The following PPARD variants were observed in gnomAD, a reference collection of about 807,000 sequenced individuals.
PPARD encodes peroxisome proliferator activated receptor delta, also known as peroxisome proliferator-activated receptor delta.
In PPARD, 6 loss-of-function variants were observed where a neutral mutation model predicts 39.5. The observed-to-expected ratio is 0.15, with a 90% confidence interval of 0.08 to 0.30. The LOEUF (loss-of-function observed/expected upper bound fraction) is 0.30. Ranked by LOEUF, PPARD falls within the 10% of genes least tolerant of loss-of-function variation. The pLI, the probability that PPARD is intolerant of heterozygous loss-of-function variation, is 1.00. For synonymous variants in PPARD, 210 were observed against 231.3 expected (o/e 0.91, Z 0.83); for missense variants, 397 against 596.8 (o/e 0.67, Z 3.49).
Position 35,425,771 on chromosome 6 carries a change from G to A in PPARD, c.1079-61G>A, listed in dbSNP as rs1766529532. On this transcript the variant is annotated intron_variant, in intron 7 of 7. Transcript: ENST00000360694. This position sits in a 1 kb window ranked among gnomAD's most constrained non-coding sequence, Gnocchi z 4.5. Reference sequence around the variant, plus strand: ...CCCCTGGGCCAAGTCACCTCTTGGGGTGGAAGTAGGGGAGCTCCACTGCCT... The same window carrying A: ...CCCCTGGGCCAAGTCACCTCTTGGGATGGAAGTAGGGGAGCTCCACTGCCT... The A allele has an allele frequency of 6.3e-7, 1 of 1,588,318 alleles. No homozygotes were observed. The highest frequency in any genetic ancestry group is 1.3e-5 in the African/African-American group (1 of 74,634).
chr6:35,371,826 C>A (rs1762498024), intron 2 of PPARD, among the ~76,000 whole-genome samples: 1 of 152,214 alleles, frequency 6.6e-6, no homozygotes, highest in African/African-American at 2.4e-5. Flanking sequence ...CTGGGCCTGG[C>A]CTTGTTGGTC....
chr6:35,376,838 G>A lies in PPARD; in HGVS notation c.-102+29688G>A, dbSNP rs531636882. ...GATTGAGACCATCCTGGCTAACGCGGTGAAACCCCGTCTCTACTAAAAATA... is the reference window on the plus strand; with the variant it reads ...GATTGAGACCATCCTGGCTAACGCGATGAAACCCCGTCTCTACTAAAAATA... On this transcript the variant is annotated intron_variant, in intron 2 of 7. Coordinates refer to ENST00000360694, the MANE Select transcript of PPARD (RefSeq NM_006238.5). Among the ~76,000 whole-genome samples, 247 of 152,048 alleles carry A rather than the reference G, an allele frequency of 1.6e-3. 1 individual carries two copies. Among genetic ancestry groups the A allele is most frequent in the African/African-American group, 5.2e-3 (214 of 41,446 alleles).
chr6:35,365,564 T>C (rs1348048084), intron 2 of PPARD, among the ~76,000 whole-genome samples: 1 of 151,058 alleles, frequency 6.6e-6, no homozygotes, highest in Non-Finnish European at 1.5e-5. Context: ...TGATCTCGGC[T>C]TACTGCAACC....
chr6:35,364,724 G>T (rs1402090757), intron 2 of PPARD, among the ~76,000 whole-genome samples: 3 of 141,784 alleles, frequency 2.1e-5, no homozygotes, highest in Non-Finnish European at 1.5e-5. Flanking sequence ...TTTTTTGTTT[G>T]TTTTTTTTTT....
At chr6:35,347,670 G>T (rs1760953704) in intron 2 of PPARD, among the ~76,000 whole-genome samples, 1 of 151,990 alleles carries the variant, frequency 6.6e-6, no homozygotes, top group South Asian at 2.1e-4. Context: ...GTGCAATGGC[G>T]TGATCTTGGC....
intron 1 of PPARD, among the ~76,000 whole-genome samples, chr6:35,343,983 CT>C (rs11420189): frequency 6.6e-6 from 1 of 150,570 alleles, no homozygotes. Context: ...GGCTCCAGAA[CT>C]TTTTTTTTTC....
intron 2 of PPARD, among the ~76,000 whole-genome samples, chr6:35,358,579 G>A (rs1283236739): frequency 6.6e-6 from 1 of 152,180 alleles, no homozygotes; most frequent in Non-Finnish European, 1.5e-5. Context: ...CATAGGCCCA[G>A]CATTTTCCTG....
At chr6:35,385,766 G>A (rs1057233182) in intron 2 of PPARD, among the ~76,000 whole-genome samples, 10 of 151,990 alleles carry the variant, frequency 6.6e-5, no homozygotes, top group African/African-American at 2.4e-4. Flanking sequence ...CGAGGCCTCC[G>A]TGTGGTATTT....
intron 2 of PPARD, among the ~76,000 whole-genome samples, chr6:35,359,757 A>G (rs1006032170): frequency 1.3e-5 from 2 of 152,226 alleles, no homozygotes; most frequent in African/African-American, 4.8e-5. Flanking sequence ...ATCACTACAT[A>G]TATCACTTTG....
chr6:35,350,919 G>A (rs904163626), intron 2 of PPARD, among the ~76,000 whole-genome samples: 2 of 152,090 alleles, frequency 1.3e-5, no homozygotes, highest in Admixed American at 6.5e-5. Flanking sequence ...GAGCCACCGC[G>A]CCTGGGCGAA....
chr6:35,422,266 C>A (rs1308865784), intron 5 of PPARD, among the ~76,000 whole-genome samples: 3 of 152,206 alleles, frequency 2.0e-5, no homozygotes, highest in Non-Finnish European at 4.4e-5. Context: ...CCAGCTTGAA[C>A]AATTTGGGGA....
intron 2 of PPARD, among the ~76,000 whole-genome samples, chr6:35,352,177 TTTTTG>T (rs931325983): frequency 3.0e-4 from 46 of 151,564 alleles, no homozygotes; most frequent in South Asian, 1.7e-3. Flanking sequence ...AGCCAGTTCT[TTTTTG>T]TTTTGTTTTG....
At chr6:35,380,218 G>A (rs1763053930) in intron 2 of PPARD, among the ~76,000 whole-genome samples, 1 of 152,194 alleles carries the variant, frequency 6.6e-6, no homozygotes, top group Non-Finnish European at 1.5e-5. Context: ...AGTTGTGGAA[G>A]CTCCATTAGG....
Position 35,412,925 on chromosome 6 carries a change from G to C in PPARD, c.130+1708G>C, listed in dbSNP as rs1765520204. ...TTCTAAATCTGAAGAAGGTAGGGAG[G>C]GTTAGAAAGCAAAGGGAAGACAGTG... On this transcript the variant is annotated intron_variant, in intron 3 of 7. Transcript: ENST00000360694. This position sits in a 1 kb window ranked among gnomAD's most constrained non-coding sequence, Gnocchi z 4.1. 2.0e-5 allele frequency among the ~76,000 whole-genome samples: 3 copies of C among 152,166 alleles called. No individual in the cohort carries two copies. Among genetic ancestry groups the C allele is most frequent in the African/African-American group, 7.2e-5 (3 of 41,438 alleles).
rs573827801 is a variant in PPARD at position 35,352,329 on chromosome 6, G to A, written c.-102+5179G>A. Among the ~76,000 whole-genome samples, 7 of 152,070 alleles carry A rather than the reference G, an allele frequency of 4.6e-5. 1 individual carries two copies. The highest frequency in any genetic ancestry group is 2.1e-4 in the South Asian group (1 of 4,796). On this transcript the variant is annotated intron_variant, in intron 2 of 7. Coordinates refer to ENST00000360694, the MANE Select transcript of PPARD (RefSeq NM_006238.5). Reference sequence around the variant, plus strand: ...CTCCCAAGTAGCTGGGACCACAGGCGCGCACCCCAATGCCCGGCTAATTTT... The same window carrying A: ...CTCCCAAGTAGCTGGGACCACAGGCACGCACCCCAATGCCCGGCTAATTTT...
rs1764689919 is a variant in PPARD at position 35,401,473 on chromosome 6, T to C, written c.-101-9514T>C. The stretch of plus-strand genomic sequence containing the variant: ...ATCCTCTTCATAACCCCCTTGGCTC[T>C]CTGCTCCTCCCAGAATAAATACCCA... On this transcript the variant is annotated intron_variant, in intron 2 of 7. Coordinates refer to ENST00000360694, the MANE Select transcript of PPARD (RefSeq NM_006238.5). This position sits in a 1 kb window ranked among gnomAD's most constrained non-coding sequence, Gnocchi z 4.1. Among the ~76,000 whole-genome samples the C allele has an allele frequency of 1.3e-5, 2 of 152,288 alleles. No homozygotes were observed. The highest frequency in any genetic ancestry group is 4.1e-4 in the South Asian group (2 of 4,830).
rs1762088218 is a variant in PPARD at position 35,364,569 on chromosome 6, G to GA, written c.-102+17420dup. On this transcript the variant is annotated intron_variant, in intron 2 of 7. Coordinates refer to ENST00000360694, the MANE Select transcript of PPARD (RefSeq NM_006238.5). ...CTGCCTCAGCCACCTGAGTAGCTGG[G>GA]ATTACAGGTGCATGCCACCACGCCT... 2.0e-5 allele frequency among the ~76,000 whole-genome samples: 3 copies of GA among 151,946 alleles called. No individual in the cohort carries two copies. In the South Asian group the frequency reaches 6.2e-4, roughly 32 times the overall value.
chr6:35,361,044 C>T (rs1761900449), intron 2 of PPARD, among the ~76,000 whole-genome samples: 1 of 152,204 alleles, frequency 6.6e-6, no homozygotes, highest in African/African-American at 2.4e-5. Flanking sequence ...AACAGCCACA[C>T]TTCTCATTTC....
Position 35,425,042 on chromosome 6 carries a change from G to C in PPARD, c.1078+263G>C, listed in dbSNP as rs1766478694. The C allele has an allele frequency of 1.6e-6, 2 of 1,279,164 alleles. No homozygotes were observed. Among genetic ancestry groups the C allele is most frequent in the Admixed American group, 3.4e-5 (1 of 29,118 alleles). The allele number at this position is 1,279,164 out of a possible 1,614,324, so 79.2% of individuals were successfully genotyped here. On this transcript the variant is annotated intron_variant, in intron 7 of 7. Coordinates refer to ENST00000360694, the MANE Select transcript of PPARD (RefSeq NM_006238.5). The surrounding 1 kb of genome is among the most constrained non-coding windows in gnomAD (Gnocchi z 4.5). Reference sequence around the variant, plus strand: ...AATCCCAGCACTTTGGCAGGCCGAGGCGGGTGGATCACTTGAGGTCAGGAG... The same window carrying C: ...AATCCCAGCACTTTGGCAGGCCGAGCCGGGTGGATCACTTGAGGTCAGGAG...
Sources: allele counts gnomAD v4.1 joint callset (sites outside exome capture counted in the v4.1 genomes callset), GRCh38; gene constraint gnomAD v4.1.1; non-coding constraint Gnocchi (gnomAD v3.1); transcripts MANE v1.5; gene names NCBI Gene and HGNC (gene_info 2026-07-23, HGNC 2026-07-21).